The following TRIM22 variants were observed in gnomAD, a reference collection of about 807,000 sequenced individuals.
TRIM22 encodes tripartite motif containing 22, also known as E3 ubiquitin-protein ligase TRIM22.
In TRIM22, 45 loss-of-function variants were observed where a neutral mutation model predicts 53.6. The ratio of observed to expected loss-of-function variants is 0.84; its 90% CI spans 0.66 to 1.08. TRIM22 has a LOEUF of 1.08. TRIM22 is among the 50% of genes least tolerant of loss of function. The pLI is 0.00. For synonymous variants in TRIM22, 225 were observed against 216.6 expected, an observed-to-expected ratio of 1.04 and a Z score of -0.34; for missense variants, 616 against 590.9, an observed-to-expected ratio of 1.04 and a Z score of -0.44.
chr11:5,706,680 T>C (rs1019064906), intron 5 of TRIM22, 64 bp downstream of exon 5: 6 of 1,483,592 alleles, frequency 4.0e-6, no homozygotes, highest in African/African-American at 2.8e-5. Context: ...CTGAGAGATA[T>C]CTTCCTTCAA....
intron 2 of TRIM22, 160 bp downstream of exon 2, chr11:5,696,815 G>A: frequency 2.7e-6 from 2 of 743,382 alleles, no homozygotes; most frequent in Non-Finnish European, 4.3e-6. Context: ...ATGCCTGAAG[G>A]ACACTGCTGC....
At chr11:5,698,265 A>T in intron 3 of TRIM22, 50 bp from the exon 4 acceptor site, 1 of 1,474,204 alleles carries the variant, frequency 6.8e-7, no homozygotes, top group Non-Finnish European at 9.5e-7. Context: ...CATACAAAGC[A>T]GGCCTTCAAC....
intron 1 of TRIM22, among the ~76,000 whole-genome samples, chr11:5,691,391 T>C (rs554875875): frequency 2.0e-5 from 3 of 152,134 alleles, no homozygotes; most frequent in Non-Finnish European, 2.9e-5. Context: ...GAGTAGGGAT[T>C]TTCACAGTGC....
rs72882044 is a variant in TRIM22, at chr11:5,692,808, A to T, written c.-67+2909A>T. On this transcript the variant is annotated intron_variant, in intron 1 of 7. Coordinates refer to ENST00000379965, the MANE Select transcript of TRIM22 (RefSeq NM_006074.5). The stretch of plus-strand genomic sequence containing the variant: ...GACCTTGTCTCAAAAAAAAAAAAAA[A>T]AGATATTGATGGCTAAACCCCTTAT... Among the ~76,000 whole-genome samples, 145 of 145,512 alleles carry T rather than the reference A, an allele frequency of 1.0e-3. 2 individuals are homozygous for T. Among genetic ancestry groups the T allele is most frequent in the Non-Finnish European group, 1.1e-3 (72 of 66,800 alleles).
chr11:5,709,540 A>G lies in TRIM22; in HGVS notation c.1389A>G (p.Gly463=). The G allele has an allele frequency of 6.2e-7, 1 of 1,614,044 alleles. No individual in the cohort carries two copies. The highest frequency in any genetic ancestry group is 8.5e-7 in the Non-Finnish European group (1 of 1,180,008). The part of the protein sequence containing the change: ...IVSFFNVTNH[G]ALIYKFSGCR... ...CATTTTTCAATGTCACAAACCACGGAGCACTCATCTACAAGTTCTCTGGAT... is the reference window on the plus strand; with the variant it reads ...CATTTTTCAATGTCACAAACCACGGGGCACTCATCTACAAGTTCTCTGGAT... The change falls in exon 8 of 8, where the codon GGA becomes GGG. Residue 463 remains glycine, a synonymous_variant. Coordinates refer to ENST00000379965, the MANE Select transcript of TRIM22 (RefSeq NM_006074.5).
chr11:5,709,301 T>C lies in TRIM22; in HGVS notation c.1150T>C (p.Ser384Pro), dbSNP rs1303510587. 2 of 1,614,002 alleles carry C rather than the reference T, an allele frequency of 1.2e-6. No homozygotes were observed. Among genetic ancestry groups the C allele is most frequent in the Non-Finnish European group, 8.5e-7 (1 of 1,179,998 alleles). Residue 384 changes from serine to proline, a missense_variant, in exon 8 of 8, where the codon TCT (serine) becomes CCT (proline). Ser to Pro is a moderately conservative substitution (Grantham distance 74). Transcript: ENST00000379965. ...KISSLNKRKSSGFAFDPSVNY... is the reference protein window; with the variant it reads ...KISSLNKRKSPGFAFDPSVNY... ...AAGTAGTCTGAATAAAAGGAAGAGC[T>C]CTGGGTTTGCTTTTGATCCAAGTGT...
chr11:5,702,633 A>G (rs1853391780), intron 4 of TRIM22, among the ~76,000 whole-genome samples: 1 of 151,998 alleles, frequency 6.6e-6, no homozygotes, highest in Admixed American at 6.6e-5. Flanking sequence ...CGTTGCTGTC[A>G]TTCATTTCAC....
At chr11:5,704,283 C>T (rs1221173337) in intron 4 of TRIM22, among the ~76,000 whole-genome samples, 1 of 151,768 alleles carries the variant, frequency 6.6e-6, no homozygotes, top group East Asian at 1.9e-4. Flanking sequence ...CTTGATAAAA[C>T]TTCCAATACA....
intron 1 of TRIM22, among the ~76,000 whole-genome samples, chr11:5,691,933 C>T (rs1380564030): frequency 6.6e-6 from 1 of 151,508 alleles, no homozygotes; most frequent in Non-Finnish European, 1.5e-5. Flanking sequence ...AGTACAGGAC[C>T]CAATAAATAA....
At chr11:5,696,006 T>G (rs1853253456) in intron 1 of TRIM22, among the ~76,000 whole-genome samples, 161 bp from the exon 2 acceptor site, 1 of 152,226 alleles carries the variant, frequency 6.6e-6, no homozygotes, top group Admixed American at 6.5e-5. Context: ...TGTTTGAAAT[T>G]ACTACAAAGT....
chr11:5,709,390 G>C lies in TRIM22; in HGVS notation c.1239G>C (p.Gln413His), dbSNP rs1564944723. Residue 413 changes from glutamine to histidine, a missense_variant, in exon 8 of 8, where the codon CAG becomes CAC. Physicochemically the swap from Gln to His is conservative, Grantham distance 24 (BLOSUM62 0). Coordinates refer to ENST00000379965, the MANE Select transcript of TRIM22 (RefSeq NM_006074.5). Reference protein sequence around the residue: ...PQYGYWVIGLQNTCEYNAFED... With the variant: ...PQYGYWVIGLHNTCEYNAFED... ...ATGGCTACTGGGTTATAGGATTACA[G>C]AATACATGTGAATATAATGCTTTTG... is the stretch of plus-strand genomic sequence containing the variant. 6.2e-7 allele frequency: 1 copy of C among 1,614,158 alleles called. No individual in the cohort carries two copies. The highest frequency in any genetic ancestry group is 8.5e-7 in the Non-Finnish European group (1 of 1,180,032).
chr11:5,703,039 G>GTTAAT (rs1853397752), intron 4 of TRIM22, among the ~76,000 whole-genome samples: 2 of 152,180 alleles, frequency 1.3e-5, no homozygotes, highest in African/African-American at 4.8e-5. Flanking sequence ...AATAAATATA[G>GTTAAT]TTAATTTTAA....
intron 4 of TRIM22, among the ~76,000 whole-genome samples, chr11:5,699,815 A>C (rs1307077757): frequency 6.6e-6 from 1 of 150,388 alleles, no homozygotes; most frequent in East Asian, 2.0e-4. Context: ...AATAACTAAC[A>C]CTGCTGAAAA....
intron 3 of TRIM22, chr11:5,697,892 A>G (rs1295439662): frequency 1.1e-5 from 2 of 176,286 alleles, no homozygotes; most frequent in African/African-American, 2.4e-5. Flanking sequence ...TTTAGTAGAG[A>G]TGGGGTTTCA....
At position 5,705,507 on chromosome 11, in the gene TRIM22, A is replaced by G. The variant is rs1179154768; in HGVS notation, c.751-1087A>G. Among the ~76,000 whole-genome samples the G allele has an allele frequency of 2.0e-5, 3 of 152,186 alleles. No homozygotes were observed. In the East Asian group the frequency reaches 5.8e-4, roughly 29 times the overall value. ...GTTTTAGTTGGTTTTGTCAGATATTACAACAACAAAAAAGCTAATACAGGC... is the reference window on the plus strand; with the variant it reads ...GTTTTAGTTGGTTTTGTCAGATATTGCAACAACAAAAAAGCTAATACAGGC... On this transcript the variant is annotated intron_variant, in intron 4 of 7. Coordinates refer to ENST00000379965, the MANE Select transcript of TRIM22 (RefSeq NM_006074.5).
chr11:5,708,310 T>C (rs1269263129), intron 6 of TRIM22, 37 bp downstream of exon 6: 2 of 1,580,480 alleles, frequency 1.3e-6, no homozygotes, highest in South Asian at 1.1e-5. Flanking sequence ...AATGTGGATT[T>C]CTTAGTATCA....
chr11:5,708,107 A>G, intron 5 of TRIM22, 66 bp from the exon 6 acceptor site: 1 of 1,283,536 alleles, frequency 7.8e-7, no homozygotes, highest in South Asian at 1.2e-5. Flanking sequence ...GGTGAAAGAG[A>G]CAGTGATCTT....
chr11:5,706,468 A>C, intron 4 of TRIM22, 126 bp from the exon 5 acceptor site: 3 of 592,038 alleles, frequency 5.1e-6, no homozygotes, highest in Non-Finnish European at 8.0e-6. Flanking sequence ...AATATCTTAA[A>C]TATTATAAGG....
chr11:5,696,254 G>A lies in TRIM22; in HGVS notation c.22G>A (p.Asp8Asn), dbSNP rs762728519. MDFSVKV[D>N]IEKEVTCPIC... ...TGCAATGGATTTCTCAGTAAAGGTA[G>A]ACATAGAGAAGGAGGTGACCTGCCC... Residue 8 changes from aspartate (D) to asparagine (N), a missense_variant, in exon 2 of 8, where the codon GAC (aspartate) becomes AAC (asparagine). Asp to Asn is a conservative substitution (Grantham distance 23). Coordinates refer to ENST00000379965, the MANE Select transcript of TRIM22 (RefSeq NM_006074.5). 6.2e-7 allele frequency: 1 copy of A among 1,612,066 alleles called. No homozygotes were observed. Among genetic ancestry groups the A allele is most frequent in the Non-Finnish European group, 8.5e-7 (1 of 1,178,906 alleles).
Sources: gnomAD v4.1 joint callset for allele counts (sites outside exome capture counted in the v4.1 genomes callset) on GRCh38, gnomAD v4.1.1 for gene constraint, MANE v1.5 for transcripts, NCBI Gene and HGNC (gene_info 2026-07-23, HGNC 2026-07-21) for gene names.